Variants in TMEM67 observed in about 807,000 individuals in gnomAD.
The protein encoded by TMEM67 is transmembrane protein 67.
In TMEM67, 124 loss-of-function variants were observed where a neutral mutation model predicts 136.6. That is an observed-to-expected ratio of 0.91 (90% CI 0.78 to 1.05). The LOEUF is 1.05. Among genes scored for constraint, TMEM67 ranks in the 50% least tolerant of loss-of-function variants. The probability of loss-of-function intolerance (pLI) is 0.00; values close to 1 mark genes in which losing one functional copy is unlikely to be tolerated. For synonymous variants in TMEM67, 364 were observed against 390.5 expected (o/e 0.93, Z 0.80); for missense variants, 1,107 against 1,178.4 (o/e 0.94, Z 0.89).
At chr8:93,791,354 T>G in intron 15 of TMEM67, 35 bp downstream of exon 15, 1 of 1,405,858 alleles carries the variant, frequency 7.1e-7, no homozygotes, top group Non-Finnish European at 1.0e-6. Flanking sequence ...ATATATACAG[T>G]GTATTTTATA....
intron 21 of TMEM67, among the ~76,000 whole-genome samples, chr8:93,800,647 A>G (rs529814498): frequency 6.6e-6 from 1 of 152,284 alleles, no homozygotes; most frequent in Admixed American, 6.5e-5. Context: ...AAATTGCCTG[A>G]AGTCATGTGA....
intron 6 of TMEM67, among the ~76,000 whole-genome samples, chr8:93,766,016 T>C (rs140003021): frequency 7.8e-4 from 119 of 152,260 alleles, no homozygotes; most frequent in African/African-American, 2.7e-3. Flanking sequence ...CTTCATTTTA[T>C]TGTCTGTAAG....
At chr8:93,774,395 G>T (rs1813448741) in intron 7 of TMEM67, among the ~76,000 whole-genome samples, 1 of 152,038 alleles carries the variant, frequency 6.6e-6, no homozygotes, top group Admixed American at 6.6e-5. Flanking sequence ...AAGTTCTAGG[G>T]TACATGTGCA....
At chr8:93,794,978 G>T (rs2130725718) in intron 16 of TMEM67, 2 of 192,324 alleles carry the variant, frequency 1.0e-5, no homozygotes, top group South Asian at 2.1e-4. Flanking sequence ...AGTTAATTTT[G>T]GCCCATATTG....
At chr8:93,789,860 C>T (rs1238076424) in intron 14 of TMEM67, among the ~76,000 whole-genome samples, 2 of 151,198 alleles carry the variant, frequency 1.3e-5, no homozygotes, top group African/African-American at 2.4e-5. Context: ...CAGTTGAGGT[C>T]AGGAGTTAGA....
At chr8:93,808,104 A>C (rs951138464) in intron 23 of TMEM67, among the ~76,000 whole-genome samples, 11 of 151,410 alleles carry the variant, frequency 7.3e-5, no homozygotes, top group African/African-American at 2.2e-4. Context: ...TTAAAAGAGC[A>C]ATAAGGTCAA....
At chr8:93,762,864 C>G (rs533205755) in intron 3 of TMEM67, 2 of 359,634 alleles carry the variant, frequency 5.6e-6, no homozygotes, top group South Asian at 4.2e-5. Context: ...AAATATTGTT[C>G]TAGCATACTT....
chr8:93,797,496 T>C, intron 20 of TMEM67, 26 bp downstream of exon 20: 1 of 1,603,834 alleles, frequency 6.2e-7, no homozygotes, highest in Non-Finnish European at 8.5e-7. Context: ...TGTGATTATA[T>C]GCGACTTACA....
chr8:93,770,571 C>T (rs997607219), intron 6 of TMEM67, among the ~76,000 whole-genome samples: 1 of 151,926 alleles, frequency 6.6e-6, no homozygotes, highest in African/African-American at 2.4e-5. Flanking sequence ...TGTGGTTTTT[C>T]CCCTCTGTAT....
rs1362682540 is a variant in TMEM67 at position 93,791,353 on chromosome 8, G to A, written c.1575+34G>A. On this transcript the variant is annotated intron_variant, in intron 15 of 27. Transcript: ENST00000453321. ...ATTTTAACCTTTTAAAATATATACA[G>A]TGTATTTTATAATTAAATGATTTCA... is the stretch of plus-strand genomic sequence containing the variant. 3 of 1,386,932 alleles carry A rather than the reference G, an allele frequency of 2.2e-6. No individual in the cohort carries two copies. The South Asian group carries it at 3.6e-5, about 17-fold the overall frequency. The allele number at this position is 1,386,932 out of a possible 1,614,324, so 85.9% of individuals were successfully genotyped here.
At chr8:93,808,527 A>ATT in intron 23 of TMEM67, among the ~76,000 whole-genome samples, 1 of 69,118 alleles carries the variant, frequency 1.4e-5, no homozygotes. Flanking sequence ...TTTATAATCT[A>ATT]TATATATCTA....
At position 93,781,008 on chromosome 8, in the gene TMEM67, G is replaced by T. The variant is rs544023650; in HGVS notation, c.978+26G>T. ...GTAAAAGTGTCTAATATCATTAGAGGATAACTACATTTTGATTTATAATTT... is the reference window on the plus strand; with the variant it reads ...GTAAAAGTGTCTAATATCATTAGAGTATAACTACATTTTGATTTATAATTT... On this transcript the variant is annotated intron_variant, in intron 9 of 27. Transcript: ENST00000453321. The T allele has an allele frequency of 2.3e-6, 3 of 1,297,202 alleles. No individual in the cohort carries two copies. The South Asian group carries it at 3.6e-5, about 15-fold the overall frequency. The allele number at this position is 1,297,202 out of a possible 1,614,324, so 80.4% of individuals were successfully genotyped here.
At chr8:93,818,422 C>T (rs772799341), downstream of TMEM67, among the ~76,000 whole-genome samples, 1 of 152,236 alleles carries the variant, frequency 6.6e-6, no homozygotes, top group Non-Finnish European at 1.5e-5. Flanking sequence ...TTTGTAAATG[C>T]TTCCTTCTCT....
At chr8:93,797,678 T>C (rs775432377) in intron 20 of TMEM67, among the ~76,000 whole-genome samples, 1 of 152,194 alleles carries the variant, frequency 6.6e-6, no homozygotes, top group Non-Finnish European at 1.5e-5. Flanking sequence ...TTTTTAAGTG[T>C]AGAGTTTAAT....
intron 23 of TMEM67, among the ~76,000 whole-genome samples, chr8:93,808,508 ATATATATATTTATAATC>A (rs1808547329): frequency 1.4e-5 from 1 of 72,006 alleles, no homozygotes; most frequent in Admixed American, 1.4e-4. Flanking sequence ...TTATAGATGA[ATATATATATTTATAATC>A]TATATATATC....
intron 20 of TMEM67, among the ~76,000 whole-genome samples, chr8:93,797,743 A>T (rs768628438): frequency 1.3e-5 from 2 of 152,294 alleles, no homozygotes; most frequent in Non-Finnish European, 2.9e-5. Context: ...ACACTTTGGG[A>T]GGCTGAGGCA....
intron 20 of TMEM67, among the ~76,000 whole-genome samples, chr8:93,797,819 CA>C (rs1360926677): frequency 6.6e-6 from 1 of 151,860 alleles, no homozygotes; most frequent in Non-Finnish European, 1.5e-5. Flanking sequence ...CCGTCTCTAC[CA>C]AAAAATACAA....
chr8:93,775,920 T>C (rs1813521293), intron 7 of TMEM67, among the ~76,000 whole-genome samples: 1 of 152,222 alleles, frequency 6.6e-6, no homozygotes, highest in East Asian at 1.9e-4. Flanking sequence ...GGGGATGGCA[T>C]TGAATCTATA....
At position 93,799,746 on chromosome 8, in the gene TMEM67, T is replaced by C; in HGVS notation, c.2229T>C (p.Ile743=). The C allele has an allele frequency of 1.2e-6, 2 of 1,613,690 alleles. No homozygotes were observed. The highest frequency in any genetic ancestry group is 1.7e-6 in the Non-Finnish European group (2 of 1,179,728). ...TGTCTGCTGCTCTTTGGCTAGCCAT[T>C]GGAATTATACAGGTAAGGAATTATA... ...YAVSAALWLA[I]GIIQVVFFAV... is the part of the protein sequence containing the mutation. The change falls in exon 21 of 28, where the codon ATT becomes ATC. Residue 743 remains isoleucine, a synonymous_variant. Transcript: ENST00000453321.
Sources: gnomAD v4.1 joint callset for allele counts (sites outside exome capture counted in the v4.1 genomes callset) on GRCh38, gnomAD v4.1.1 for gene constraint, MANE v1.5 for transcripts, NCBI Gene and HGNC (gene_info 2026-07-23, HGNC 2026-07-21) for gene names.